The following ADAMTS14 variants were observed in gnomAD, a reference collection of about 807,000 sequenced individuals.
The protein encoded by ADAMTS14 is ADAM metallopeptidase with thrombospondin type 1 motif 14.
Under a neutral mutation model 128.6 loss-of-function variants are expected in ADAMTS14, and 100 were observed. The ratio of observed to expected loss-of-function variants is 0.78; its 90% CI spans 0.66 to 0.92. The LOEUF is 0.92. Ranked by LOEUF, ADAMTS14 falls within the 40% of genes least tolerant of loss-of-function variation. The pLI is 0.00. For missense variants in ADAMTS14, 1,562 were observed against 1,658.6 expected, an observed-to-expected ratio of 0.94 and a Z score of 1.01; for synonymous variants, 665 against 653.8, an observed-to-expected ratio of 1.02 and a Z score of -0.26.
chr10:70,692,871 G>A (rs1273532138), intron 2 of ADAMTS14, among the ~76,000 whole-genome samples: 2 of 152,080 alleles, frequency 1.3e-5, no homozygotes, highest in Admixed American at 6.5e-5. Flanking sequence ...CCACTTACAG[G>A]CAGGACATCT....
intron 2 of ADAMTS14, among the ~76,000 whole-genome samples, chr10:70,696,370 G>T (rs893112172): frequency 6.7e-6 from 1 of 148,234 alleles, no homozygotes; most frequent in Non-Finnish European, 1.5e-5. Context: ...GCAGTGTTGG[G>T]GGTCTGAGCC....
At chr10:70,735,899 A>G (rs72814580) in intron 9 of ADAMTS14, among the ~76,000 whole-genome samples, 15,130 of 152,232 alleles carry the variant, frequency 0.099, 824 homozygotes, top group Non-Finnish European at 0.12. Context: ...GGGCCATCTC[A>G]GGGGTAGGGG....
chr10:70,745,896 G>A (rs947562567), intron 15 of ADAMTS14, among the ~76,000 whole-genome samples: 2 of 152,154 alleles, frequency 1.3e-5, no homozygotes, highest in African/African-American at 4.8e-5. Flanking sequence ...CATGGAGGTG[G>A]CAGGGCTGTG....
At chr10:70,690,284 G>A (rs1455583035) in intron 2 of ADAMTS14, among the ~76,000 whole-genome samples, 1 of 144,410 alleles carries the variant, frequency 6.9e-6, no homozygotes, top group Non-Finnish European at 1.6e-5. Context: ...TCTGGAACCT[G>A]TGCTAGTGGT....
At chr10:70,745,165 G>T (rs562737904) in intron 14 of ADAMTS14, 61 bp from the exon 15 acceptor site, 18 of 1,527,700 alleles carry the variant, frequency 1.2e-5, no homozygotes, top group East Asian at 2.3e-5. Context: ...AGTGGGGGAC[G>T]CTGGGCAGTG....
chr10:70,749,942 G>T lies in ADAMTS14; in HGVS notation c.2384G>T (p.Ser795Ile). 10 of 1,614,134 alleles carry T rather than the reference G, an allele frequency of 6.2e-6. No homozygotes were observed. The highest frequency in any genetic ancestry group is 1.3e-5 in the African/African-American group (1 of 75,052). ...WEDAVEDAKESLKTSGPLPEA... is the reference protein window; with the variant it reads ...WEDAVEDAKEILKTSGPLPEA... ...GATGCGGTGGAGGATGCCAAGGAAA[G>T]CCTCAAGACCAGCGGGCCCCTGCCT... Residue 795 changes from serine to isoleucine, a missense_variant, in exon 16 of 22, where the codon AGC becomes ATC. By Grantham distance (142) the Ser-to-Ile change is moderately radical. Transcript: ENST00000373207.
At chr10:70,757,557 T>C (rs923439607) in intron 19 of ADAMTS14, among the ~76,000 whole-genome samples, 3 of 152,124 alleles carry the variant, frequency 2.0e-5, no homozygotes, top group Non-Finnish European at 4.4e-5. Flanking sequence ...TGTAGTGGAT[T>C]GCAACAGGGG....
chr10:70,740,000 C>A (rs1192251238), intron 11 of ADAMTS14, among the ~76,000 whole-genome samples: 1 of 152,210 alleles, frequency 6.6e-6, no homozygotes, highest in African/African-American at 2.4e-5. Context: ...CTGAGTAAAT[C>A]ACCTTGCAGG....
intron 3 of ADAMTS14, among the ~76,000 whole-genome samples, 168 bp downstream of exon 3, chr10:70,702,636 T>G (rs961828684): frequency 2.6e-5 from 4 of 152,176 alleles, no homozygotes; most frequent in Admixed American, 6.5e-5. Context: ...CATTGCGTTC[T>G]AGAAGCTGCT....
intron 4 of ADAMTS14, among the ~76,000 whole-genome samples, chr10:70,721,448 C>G (rs534215800): frequency 6.7e-6 from 1 of 149,900 alleles, no homozygotes; most frequent in South Asian, 2.1e-4. Flanking sequence ...TGCAGTGGTG[C>G]GATCTCAGCT....
chr10:70,731,064 CCACA>C (rs56903140), intron 6 of ADAMTS14, among the ~76,000 whole-genome samples: 10,873 of 145,718 alleles, frequency 0.075, 440 homozygotes, highest in Non-Finnish European at 0.099. Flanking sequence ...GTTTTACACA[CCACA>C]CACACACACA....
intron 19 of ADAMTS14, among the ~76,000 whole-genome samples, chr10:70,756,544 C>T (rs1274459781): frequency 6.6e-6 from 1 of 152,008 alleles, no homozygotes; most frequent in African/African-American, 2.4e-5. Flanking sequence ...ACACAGAGAC[C>T]GGGTGGTCTT....
intron 13 of ADAMTS14, 22 bp downstream of exon 13, chr10:70,743,703 C>A: frequency 6.5e-7 from 1 of 1,550,054 alleles, no homozygotes. Context: ...CCCAGCCACC[C>A]CGACTACCGG....
At chr10:70,712,506 C>T (rs964561043) in intron 4 of ADAMTS14, among the ~76,000 whole-genome samples, 5 of 152,160 alleles carry the variant, frequency 3.3e-5, no homozygotes, top group Admixed American at 6.5e-5. Flanking sequence ...TGTTATAACT[C>T]GTTCAAAAGA....
chr10:70,753,933 G>T lies in ADAMTS14; in HGVS notation c.2863G>T (p.Asp955Tyr), dbSNP rs372374021. ...CATGCCGGCCAAAGCCTGCGCCGGG[G>T]ACCGGCCTGAGGCCCGACGGCCCTG... ...KVMPAKACAG[D>Y]RPEARRPCLR... Residue 955 changes from aspartate to tyrosine, a missense_variant, in exon 19 of 22, where the codon GAC becomes TAC. Coordinates refer to ENST00000373207, the MANE Select transcript of ADAMTS14 (RefSeq NM_080722.4). 2.8e-5 allele frequency: 44 copies of T among 1,588,204 alleles called. 1 individual carries two copies. Among genetic ancestry groups the T allele is most frequent in the African/African-American group, 1.7e-4 (13 of 74,738 alleles).
At chr10:70,703,688 C>T (rs911424793) in intron 3 of ADAMTS14, among the ~76,000 whole-genome samples, 4 of 152,210 alleles carry the variant, frequency 2.6e-5, no homozygotes, top group Non-Finnish European at 4.4e-5. Context: ...TAGGAAGAGA[C>T]GTTGGGGAAG....
chr10:70,716,043 G>A (rs887130508), intron 4 of ADAMTS14, among the ~76,000 whole-genome samples: 1 of 152,222 alleles, frequency 6.6e-6, no homozygotes, highest in African/African-American at 2.4e-5. Context: ...ACTCATGCAT[G>A]ACTCAAAGCT....
intron 10 of ADAMTS14, among the ~76,000 whole-genome samples, chr10:70,737,838 TATAGA>T (rs1841874754): frequency 1.3e-5 from 2 of 152,216 alleles, no homozygotes; most frequent in African/African-American, 4.8e-5. Flanking sequence ...AAACCCCTCC[TATAGA>T]ACAAGAAGTG....
chr10:70,758,362 T>TCTGG, intron 21 of ADAMTS14, 77 bp downstream of exon 21: 2 of 1,315,186 alleles, frequency 1.5e-6, no homozygotes, highest in Non-Finnish European at 2.1e-6. Flanking sequence ...GGCCACTCAG[T>TCTGG]GGAGCAAACC....
Sources: gnomAD v4.1 joint callset for allele counts (sites outside exome capture counted in the v4.1 genomes callset) on GRCh38, gnomAD v4.1.1 for gene constraint, MANE v1.5 for transcripts, NCBI Gene and HGNC (gene_info 2026-07-23, HGNC 2026-07-21) for gene names.